GSE1: variants seen among roughly 807,000 people sequenced by gnomAD.
The protein encoded by GSE1 is genetic suppressor element 1.
In GSE1, 32 loss-of-function variants were observed where a neutral mutation model predicts 112.6. The observed-to-expected ratio is 0.28, with a 90% CI of 0.21 to 0.38. The LOEUF (loss-of-function observed/expected upper bound fraction) is 0.38. Ranked by LOEUF, GSE1 falls within the 10% of genes least tolerant of loss-of-function variation. The pLI, the probability that GSE1 is intolerant of heterozygous loss-of-function variation, is 1.00. For missense variants in GSE1, 2,348 were observed against 1,699.2 expected (o/e 1.38, Z -6.71); for synonymous variants, 1,115 against 735.6 (o/e 1.52, Z -8.35).
intron 2 of GSE1, among the ~76,000 whole-genome samples, chr16:85,411,622 T>C (rs368495858): frequency 5.0e-3 from 18 of 3,576 alleles, no homozygotes; most frequent in Admixed American, 8.9e-3. Flanking sequence ...CCCGGATAAT[T>C]CTCACTGTTA....
At chr16:85,578,082 C>G (rs968228699) in intron 1 of GSE1, among the ~76,000 whole-genome samples, 5 of 152,332 alleles carry the variant, frequency 3.3e-5, no homozygotes, top group Admixed American at 2.6e-4. Context: ...TGCAGTTCTT[C>G]CGTTGAATTC....
chr16:85,347,011 G>A (rs1214444980), intron 1 of GSE1, among the ~76,000 whole-genome samples: 1 of 152,176 alleles, frequency 6.6e-6, no homozygotes, highest in South Asian at 2.1e-4. Context: ...ACCAAATAAC[G>A]TGGCTCTTAG....
chr16:85,649,253 C>G lies in GSE1; in HGVS notation c.426+502C>G, dbSNP rs2051134433. Reference sequence around the variant, plus strand: ...CTCCAAATGCAGTTCCGTTCTGAGGCCCTGGGCATCAGGGCTCTAACACGG... The same window carrying G: ...CTCCAAATGCAGTTCCGTTCTGAGGGCCTGGGCATCAGGGCTCTAACACGG... On this transcript the variant is annotated intron_variant, in intron 3 of 15. Coordinates refer to ENST00000253458, the MANE Select transcript of GSE1 (RefSeq NM_014615.5). 2.0e-5 allele frequency among the ~76,000 whole-genome samples: 3 copies of G among 152,164 alleles called. No individual in the cohort carries two copies. The South Asian group carries it at 6.2e-4, about 32-fold the overall frequency.
intron 8 of GSE1, among the ~76,000 whole-genome samples, chr16:85,658,443 C>T (rs979529087): frequency 3.3e-5 from 5 of 152,216 alleles, no homozygotes; most frequent in African/African-American, 9.7e-5. Flanking sequence ...AGCATCTTTC[C>T]AGCTCTCAAG....
At position 85,478,917 on chromosome 16, in the gene GSE1, T is replaced by C. The variant is rs1237654186; in HGVS notation, c.2464+121274T>C. Among the ~76,000 whole-genome samples the C allele has an allele frequency of 6.5e-4, 39 of 60,084 alleles. 1 individual carries two copies. The highest frequency in any genetic ancestry group is 1.8e-3 in the Admixed American group (10 of 5,704). The allele number at this position is 60,084 out of a possible 152,430, so 39.4% of individuals were successfully genotyped here. On this transcript the variant is annotated intron_variant, in intron 2 of 2. Transcript: ENST00000637419. The stretch of plus-strand genomic sequence containing the variant: ...TTTCTTTCTTTCTTTCTTTCTTTCT[T>C]TCTTTCTTTCTCTTTCTTTCTTTCT...
At chr16:85,355,246 G>C (rs1189535201) in intron 1 of GSE1, among the ~76,000 whole-genome samples, 1 of 151,996 alleles carries the variant, frequency 6.6e-6, no homozygotes, top group Non-Finnish European at 1.5e-5. Flanking sequence ...CAAAAAACCG[G>C]ATCAACAGAA....
intron 1 of GSE1, among the ~76,000 whole-genome samples, chr16:85,217,891 C>T (rs980087839): frequency 3.3e-5 from 5 of 151,930 alleles, no homozygotes; most frequent in Non-Finnish European, 7.4e-5. Flanking sequence ...TTTTTTCCAA[C>T]AGAAATTTAT....
intron 2 of GSE1, chr16:85,359,305 G>T (rs1211879866): frequency 1.6e-5 from 7 of 442,620 alleles, no homozygotes; most frequent in African/African-American, 1.2e-4. Context: ...CCGAGGAGGA[G>T]GCAGCTTGCC....
rs560106357 is a variant in GSE1, at chr16:85,393,680, C to G, written c.2464+36037C>G. On this transcript the variant is annotated intron_variant, in intron 2 of 2. Transcript: ENST00000637419. ...AGGCTCCTGTGTGATTTACAGGACCCCAAGGCAGGGGACCTGCACCCAGGA... is the reference window on the plus strand; with the variant it reads ...AGGCTCCTGTGTGATTTACAGGACCGCAAGGCAGGGGACCTGCACCCAGGA... Among the ~76,000 whole-genome samples the G allele has an allele frequency of 2.0e-5, 3 of 152,328 alleles. No homozygotes were observed. The East Asian group carries it at 5.8e-4, about 29-fold the overall frequency.
upstream of GSE1, among the ~76,000 whole-genome samples, chr16:85,553,668 CG>C (rs2045050522): frequency 6.6e-6 from 1 of 152,080 alleles, no homozygotes; most frequent in African/African-American, 2.4e-5. Context: ...CGGGGAAGAG[CG>C]CCACCCCTCC....
chr16:85,640,598 T>C (rs1039496146), intron 2 of GSE1, among the ~76,000 whole-genome samples: 1 of 152,108 alleles, frequency 6.6e-6, no homozygotes, highest in Non-Finnish European at 1.5e-5. Flanking sequence ...GGGGACTACG[T>C]GTGCGGGGAC....
Position 85,661,635 on chromosome 16 carries a change from G to A in GSE1, c.2130G>A (p.Ser710=), listed in dbSNP as rs375790806. Residue 710 remains serine, a synonymous_variant, in exon 9 of 16, where the codon TCG becomes TCA. Coordinates refer to ENST00000253458, the MANE Select transcript of GSE1 (RefSeq NM_014615.5). ...GELSGPLKPG[S]PYRPPVPRAP... is the part of the protein sequence containing the mutation. ...TCAGCGGACCCCTGAAGCCTGGCTC[G>A]CCCTACCGGCCCCCAGTGCCACGGG... The A allele has an allele frequency of 1.1e-5, 18 of 1,611,014 alleles. No individual in the cohort carries two copies. The highest frequency in any genetic ancestry group is 6.7e-5 in the East Asian group (3 of 44,850).
chr16:85,351,142 C>T (rs532032746), intron 1 of GSE1, among the ~76,000 whole-genome samples: 95 of 152,280 alleles, frequency 6.2e-4, no homozygotes, highest in South Asian at 1.0e-3. Flanking sequence ...CCTGGGGCAC[C>T]AGCTGTGCCC....
rs769055884 is a variant in GSE1 at position 85,657,428 on chromosome 16, C to G, written c.1464C>G (p.Ile488Met). 3.7e-6 allele frequency: 6 copies of G among 1,612,574 alleles called. No homozygotes were observed. Among genetic ancestry groups the G allele is most frequent in the South Asian group, 1.1e-5 (1 of 90,988 alleles). Residue 488 changes from isoleucine to methionine, a missense_variant, in exon 8 of 16, where the codon ATC becomes ATG. Ile to Met is a conservative substitution (Grantham distance 10). Coordinates refer to ENST00000253458, the MANE Select transcript of GSE1 (RefSeq NM_014615.5). ...PSSSAATALL[I>M]QRTNEEEKWL... ...GCAGTGCTGCCACAGCCCTGCTGAT[C>G]CAGCGCACCAATGAGGAGGAGAAGT...
intron 1 of GSE1, among the ~76,000 whole-genome samples, chr16:85,235,188 G>C (rs1178812723): frequency 6.6e-6 from 1 of 152,068 alleles, no homozygotes; most frequent in Non-Finnish European, 1.5e-5. Flanking sequence ...CCCAGGCTGG[G>C]GCTCTCAATT....
chr16:85,224,391 G>C (rs189423398), intron 1 of GSE1, among the ~76,000 whole-genome samples: 2 of 150,492 alleles, frequency 1.3e-5, no homozygotes, highest in Non-Finnish European at 2.9e-5. Context: ...TCTCGATCTG[G>C]TTGGCAGCTG....
At chr16:85,286,726 A>T (rs1311725108) in intron 1 of GSE1, among the ~76,000 whole-genome samples, 1 of 149,638 alleles carries the variant, frequency 6.7e-6, no homozygotes, top group Non-Finnish European at 1.5e-5. Flanking sequence ...TTTTTGAAAG[A>T]TGAAAGATTT....
intron 2 of GSE1, among the ~76,000 whole-genome samples, chr16:85,388,464 G>A (rs2047755599): frequency 7.9e-6 from 1 of 126,896 alleles, no homozygotes. Flanking sequence ...GGGTAGATGG[G>A]TGAGTGGATG....
chr16:85,409,835 AG>A (rs199816945), intron 2 of GSE1, among the ~76,000 whole-genome samples: 3 of 11,036 alleles, frequency 2.7e-4, no homozygotes, highest in African/African-American at 7.8e-4. Flanking sequence ...CGTTACACTC[AG>A]GGCCCCCCGG....
Sources: allele counts gnomAD v4.1 joint callset (sites outside exome capture counted in the v4.1 genomes callset), GRCh38; gene constraint gnomAD v4.1.1; transcripts MANE v1.5; gene names NCBI Gene and HGNC (gene_info 2026-07-23, HGNC 2026-07-21).